The following KATNAL2 variants were observed in gnomAD, a reference collection of about 807,000 sequenced individuals.
KATNAL2 encodes the protein katanin catalytic subunit A1 like 2, also known as katanin p60 ATPase-containing subunit A-like 2.
KATNAL2 carries 52 observed loss-of-function variants against 76.3 expected under a neutral mutation model. The ratio of observed to expected loss-of-function variants is 0.68; its 90% CI spans 0.55 to 0.86. KATNAL2 has a LOEUF of 0.86. Ranked by LOEUF, KATNAL2 falls within the 40% of genes least tolerant of loss-of-function variation. KATNAL2 has a pLI of 0.00. For missense variants in KATNAL2, 660 were observed against 668.9 expected (o/e 0.99, Z 0.15); for synonymous variants, 243 against 244.2 (o/e 1.00, Z 0.05).
intron 3 of KATNAL2, among the ~76,000 whole-genome samples, chr18:47,031,394 T>G (rs1449644189): frequency 2.6e-5 from 4 of 152,102 alleles, no homozygotes; most frequent in Admixed American, 6.5e-5. Context: ...TAATTTCTCG[T>G]GTGACTTTTT....
At chr18:46,937,524 A>G (rs576000605) in intron 1 of KATNAL2, among the ~76,000 whole-genome samples, 1 of 146,508 alleles carries the variant, frequency 6.8e-6, no homozygotes, top group African/African-American at 2.8e-5. Context: ...TTTAGTTAAT[A>G]ATAATGTATC....
chr18:47,087,329 A>G (rs144531364), intron 15 of KATNAL2, among the ~76,000 whole-genome samples: 1,773 of 152,362 alleles, frequency 0.012, 20 homozygotes, highest in Non-Finnish European at 0.019. Context: ...CTGGATAAAG[A>G]AAATGTGGTA....
chr18:47,036,948 C>G (rs1210946643), intron 3 of KATNAL2, among the ~76,000 whole-genome samples: 2 of 152,108 alleles, frequency 1.3e-5, no homozygotes, highest in African/African-American at 4.8e-5. Context: ...AGGAAACAAA[C>G]AAGAAACAAA....
At chr18:47,038,426 G>A (rs2060853169) in intron 3 of KATNAL2, among the ~76,000 whole-genome samples, 1 of 152,130 alleles carries the variant, frequency 6.6e-6, no homozygotes, top group South Asian at 2.1e-4. Context: ...CCTACCTGTG[G>A]GTAGTAGAAA....
At chr18:46,942,440 C>G (rs62095391) in intron 1 of KATNAL2, among the ~76,000 whole-genome samples, 136 of 152,226 alleles carry the variant, frequency 8.9e-4, no homozygotes, top group Non-Finnish European at 1.7e-3. Context: ...CATGGAGAAA[C>G]CCTGTCTCTA....
intron 15 of KATNAL2, among the ~76,000 whole-genome samples, chr18:47,078,808 A>G (rs1176641596): frequency 6.6e-6 from 1 of 152,212 alleles, no homozygotes; most frequent in Non-Finnish European, 1.5e-5. Flanking sequence ...CACAGAGGTC[A>G]AAAAACCAAA....
chr18:47,095,011 A>T (rs62095459), intron 15 of KATNAL2, among the ~76,000 whole-genome samples: 16,104 of 152,146 alleles, frequency 0.11, 997 homozygotes, highest in Non-Finnish European at 0.14. Context: ...TCTCTTGGGG[A>T]TTCTGTGACT....
intron 3 of KATNAL2, chr18:47,034,715 G>T (rs2060676621): frequency 6.2e-7 from 1 of 1,612,992 alleles, no homozygotes; most frequent in Non-Finnish European, 8.5e-7. Flanking sequence ...GCGGGCTCAG[G>T]GCCCTCGGGC....
chr18:47,052,945 G>A lies in KATNAL2; in HGVS notation c.188G>A (p.Cys63Tyr). The change falls in exon 5 of 18, where the codon TGT (cysteine) becomes TAT (tyrosine). Residue 63 changes from cysteine to tyrosine, a missense_variant. Cys to Tyr is a radical substitution (Grantham distance 194, BLOSUM62 -2). Transcript: ENST00000683218. Reference sequence around the variant, plus strand: ...CTGGGGTTACGACGGTTTGAAGTTTGTGACAACATTGATCTTGAAACTATT... The same window carrying A: ...CTGGGGTTACGACGGTTTGAAGTTTATGACAACATTGATCTTGAAACTATT... ...TKLGLRRFEVCDNIDLETILM... is the reference protein window; with the variant it reads ...TKLGLRRFEVYDNIDLETILM... 1.2e-6 allele frequency: 2 copies of A among 1,612,420 alleles called. No homozygotes were observed. Among genetic ancestry groups the A allele is most frequent in the Non-Finnish European group, 8.5e-7 (1 of 1,179,208 alleles).
chr18:47,033,489 G>A (rs755210316), intron 3 of KATNAL2: 8 of 1,614,168 alleles, frequency 5.0e-6, no homozygotes, highest in South Asian at 4.4e-5. Flanking sequence ...CTTCCTTGAA[G>A]TCCTGGAAAC....
chr18:46,936,335 A>C (rs917466856), intron 1 of KATNAL2, among the ~76,000 whole-genome samples: 1 of 152,214 alleles, frequency 6.6e-6, no homozygotes, highest in Non-Finnish European at 1.5e-5. Flanking sequence ...ATTTTAAAGA[A>C]CTGAAATCAT....
In KATNAL2 at chr18:47,037,750, A is replaced by G. The variant is rs188951650; in HGVS notation, c.52-8707A>G. Among the ~76,000 whole-genome samples the G allele has an allele frequency of 5.8e-4, 88 of 152,280 alleles. 3 individuals carry two copies. The highest frequency in any genetic ancestry group is 4.1e-3 in the East Asian group (21 of 5,180). On this transcript the variant is annotated intron_variant, in intron 3 of 17. Coordinates refer to ENST00000683218, the MANE Select transcript of KATNAL2 (RefSeq NM_001387690.1). ...CTGCTTTACTCTTACTGAATTCTGA[A>G]TTTTTATCACTCTTACCACAAAATA...
intron 1 of KATNAL2, chr18:46,920,182 T>G: frequency 1.4e-6 from 1 of 704,896 alleles, no homozygotes; most frequent in Non-Finnish European, 2.2e-6. Context: ...TAGACTGGCC[T>G]GAGTCATTAA....
chr18:47,074,243 T>G (rs1046244211), intron 13 of KATNAL2, among the ~76,000 whole-genome samples: 2 of 152,208 alleles, frequency 1.3e-5, no homozygotes, highest in Non-Finnish European at 2.9e-5. Context: ...AGGGAGATGC[T>G]GGTGCATGCG....
At chr18:46,939,347 AAAAAAG>A (rs1318855652) in intron 1 of KATNAL2, among the ~76,000 whole-genome samples, 5 of 152,092 alleles carry the variant, frequency 3.3e-5, no homozygotes, top group South Asian at 4.1e-4. Flanking sequence ...TTAAAAAAAA[AAAAAAG>A]AAAAGAAAAG....
intron 1 of KATNAL2, among the ~76,000 whole-genome samples, chr18:46,945,396 C>T (rs1314661063): frequency 2.0e-5 from 3 of 152,222 alleles, no homozygotes; most frequent in African/African-American, 7.2e-5. Context: ...GCTGTCTTAG[C>T]AGGCAATATA....
At chr18:46,929,379 C>T (rs1413587726) in intron 1 of KATNAL2, among the ~76,000 whole-genome samples, 1 of 151,748 alleles carries the variant, frequency 6.6e-6, no homozygotes, top group Non-Finnish European at 1.5e-5. Flanking sequence ...AGTAGCTGGG[C>T]CTACAGGTGT....
intron 1 of KATNAL2, among the ~76,000 whole-genome samples, chr18:46,940,661 T>C (rs1160931082): frequency 6.6e-6 from 1 of 152,150 alleles, no homozygotes; most frequent in Non-Finnish European, 1.5e-5. Context: ...AATGAGGCTA[T>C]GAAGACAGAA....
chr18:46,945,620 T>G (rs188737929), intron 1 of KATNAL2, among the ~76,000 whole-genome samples: 39 of 152,342 alleles, frequency 2.6e-4, no homozygotes, highest in Non-Finnish European at 4.4e-4. Flanking sequence ...GCATCCTAAC[T>G]CTATCTAGAA....
Sources: allele counts gnomAD v4.1 joint callset (sites outside exome capture counted in the v4.1 genomes callset), GRCh38; gene constraint gnomAD v4.1.1; transcripts MANE v1.5; gene names NCBI Gene and HGNC (gene_info 2026-07-23, HGNC 2026-07-21).